Variants in AKT1 observed in about 807,000 individuals in gnomAD.
The protein encoded by AKT1 is RAC-alpha serine/threonine-protein kinase.
In AKT1, 21 loss-of-function variants were observed where a neutral mutation model predicts 63.1. That is an observed-to-expected ratio of 0.33 (90% CI 0.24 to 0.48). The LOEUF (loss-of-function observed/expected upper bound fraction) is 0.48, where lower values mean the gene tolerates loss of function less well. Among genes scored for constraint, AKT1 ranks in the 20% least tolerant of loss-of-function variants. The pLI, the probability that AKT1 is intolerant of heterozygous loss-of-function variation, is 0.99. For missense variants in AKT1, 382 were observed against 666.0 expected (o/e 0.57, Z 4.69); for synonymous variants, 257 against 253.1 (o/e 1.02, Z -0.15).
intron 3 of AKT1, among the ~76,000 whole-genome samples, chr14:104,782,683 AG>A (rs1239409049): frequency 6.6e-6 from 1 of 152,124 alleles, no homozygotes; most frequent in African/African-American, 2.4e-5. Context: ...CCACAGACCC[AG>A]GGAACAGACG....
intron 3 of AKT1, among the ~76,000 whole-genome samples, chr14:104,781,414 C>T (rs779211844): frequency 6.6e-5 from 10 of 152,298 alleles, no homozygotes; most frequent in South Asian, 4.1e-4. Flanking sequence ...TGAGCCCAGA[C>T]GCGTCCAGCC....
rs2140918032 is a variant in AKT1 at position 104,775,178 on chromosome 14, C to G, written c.465G>C (p.Leu155=). ...VTMNEFEYLK[L]LGKGTFGKVI... ...CCTTGCCGAAAGTGCCCTTGCCCAG[C>G]AGCTTCAGGTACTCAAACTCGTTCA... The change falls in exon 7 of 15, where the codon CTG becomes CTC. Residue 155 remains leucine, a synonymous_variant. Transcript: ENST00000649815. 1.2e-6 allele frequency: 2 copies of G among 1,614,134 alleles called. No homozygotes were observed. Among genetic ancestry groups the G allele is most frequent in the Non-Finnish European group, 1.7e-6 (2 of 1,180,042 alleles).
intron 3 of AKT1, among the ~76,000 whole-genome samples, chr14:104,792,256 T>C (rs1399402914): frequency 6.6e-6 from 1 of 152,160 alleles, no homozygotes; most frequent in East Asian, 1.9e-4. Context: ...GGCAGTGCCC[T>C]GGGCCGCCAG....
At position 104,769,350 on chromosome 14, in the gene AKT1, T is replaced by C. The variant is rs1311848591; in HGVS notation, c.*991A>G. On this transcript the variant is annotated 3_prime_UTR_variant, in exon 15 of 15. Transcript: ENST00000649815. The stretch of plus-strand genomic sequence containing the variant: ...CCACCCAGCAAAGTGAGCCAAAAAT[T>C]TGAAAAGCAACTTTTATTGAAGAAT... 10 of 240,590 alleles carry C rather than the reference T, an allele frequency of 4.2e-5. No homozygotes were observed. In the South Asian group the frequency reaches 1.1e-3, roughly 26 times the overall value. 14.9% of individuals were successfully genotyped at this position (240,590 alleles called of 1,614,324 possible). A position where few individuals can be genotyped will look rare whatever the true frequency, so the allele number is the denominator to read the frequency against.
At chr14:104,792,295 C>A (rs1893666446) in intron 3 of AKT1, among the ~76,000 whole-genome samples, 1 of 152,216 alleles carries the variant, frequency 6.6e-6, no homozygotes, top group East Asian at 1.9e-4. Context: ...AGCCCAGTGT[C>A]CTCGCTGCCT....
chr14:104,780,301 G>C, intron 3 of AKT1, 85 bp from the exon 4 acceptor site: 1 of 1,543,912 alleles, frequency 6.5e-7, no homozygotes, highest in Non-Finnish European at 8.8e-7. Flanking sequence ...GGGTGTGCCA[G>C]GACAGATGTG....
intron 9 of AKT1, 88 bp from the exon 10 acceptor site, chr14:104,773,668 G>A (rs764594578): frequency 6.1e-5 from 93 of 1,516,674 alleles, no homozygotes; most frequent in Middle Eastern, 2.3e-4. Context: ...ACCGGGTCTC[G>A]GCATTGCACA....
chr14:104,788,686 A>G (rs1595260846), intron 3 of AKT1, among the ~76,000 whole-genome samples: 1 of 152,282 alleles, frequency 6.6e-6, no homozygotes, highest in East Asian at 1.9e-4. Flanking sequence ...CCGCAGGGAC[A>G]GCCAGTGCCA....
chr14:104,776,008 C>A, intron 5 of AKT1: 3 of 578,920 alleles, frequency 5.2e-6, no homozygotes, highest in Non-Finnish European at 9.0e-6. Flanking sequence ...CCAGGCTTAG[C>A]CCCCCAGCAG....
At chr14:104,770,931 C>A (rs1892349737) in intron 13 of AKT1, 84 bp from the exon 14 acceptor site, 3 of 1,246,182 alleles carry the variant, frequency 2.4e-6, no homozygotes, top group South Asian at 1.3e-5. Flanking sequence ...ACCTTCAAAG[C>A]ACCTGGATCT....
chr14:104,788,090 T>C lies in AKT1; in HGVS notation c.46+4508A>G, dbSNP rs1893426850. The stretch of plus-strand genomic sequence containing the variant: ...AGGAGCCAGCACACTTGCCTCCCCA[T>C]CTCTGTCCCTGGCCTGCCCACGGGG... On this transcript the variant is annotated intron_variant, in intron 3 of 14. Coordinates refer to ENST00000649815, the MANE Select transcript of AKT1 (RefSeq NM_001382430.1). 3.9e-5 allele frequency among the ~76,000 whole-genome samples: 6 copies of C among 151,996 alleles called. No individual in the cohort carries two copies. The South Asian group carries it at 1.0e-3, about 26-fold the overall frequency.
At chr14:104,776,972 T>A in intron 4 of AKT1, 1 of 544,368 alleles carries the variant, frequency 1.8e-6, no homozygotes, top group Non-Finnish European at 3.3e-6. Context: ...GACACTCTAC[T>A]CCAGGCTGAG....
chr14:104,786,123 C>T (rs1221587741), intron 3 of AKT1, among the ~76,000 whole-genome samples: 2 of 152,200 alleles, frequency 1.3e-5, no homozygotes, highest in African/African-American at 4.8e-5. Context: ...TGGTCTGCCC[C>T]AAACAAGCCC....
rs1020701870 is a variant in AKT1 at position 104,775,869 on chromosome 14, C to T, written c.288-70G>A. On this transcript the variant is annotated intron_variant, in intron 5 of 14. Transcript: ENST00000649815. Reference sequence around the variant, plus strand: ...GCTCCACCCCACGTCTTTCACCCACCCGCCAGCCTCACAAGCGTGGTTCCA... The same window carrying T: ...GCTCCACCCCACGTCTTTCACCCACTCGCCAGCCTCACAAGCGTGGTTCCA... 561 of 1,542,786 alleles carry T rather than the reference C, an allele frequency of 3.6e-4. 6 individuals are homozygous for T. Among genetic ancestry groups the T allele is most frequent in the Non-Finnish European group, 7.0e-5 (80 of 1,144,138 alleles).
At chr14:104,777,849 G>T in intron 4 of AKT1, 1 of 344,072 alleles carries the variant, frequency 2.9e-6, no homozygotes, top group Non-Finnish European at 4.1e-6. Context: ...TGGTGGGGAG[G>T]GTGGCCTGTG....
intron 3 of AKT1, among the ~76,000 whole-genome samples, chr14:104,781,673 C>T (rs1893054102): frequency 6.6e-6 from 1 of 152,198 alleles, no homozygotes; most frequent in South Asian, 2.1e-4. Context: ...ACAAGACCAG[C>T]CCTCTCTCTG....
intron 4 of AKT1, 50 bp from the exon 5 acceptor site, chr14:104,776,820 G>A (rs1179350328): frequency 1.3e-6 from 2 of 1,543,566 alleles, no homozygotes; most frequent in Middle Eastern, 1.7e-4. Context: ...GCCCCTCCCA[G>A]GGCCCTCACC....
Position 104,772,409 on chromosome 14 carries a change from G to T in AKT1, c.1216C>A (p.Arg406Ser), listed in dbSNP as rs749544983. 1 of 1,613,778 alleles carries T rather than the reference G, an allele frequency of 6.2e-7. No homozygotes were observed. Among genetic ancestry groups the T allele is most frequent in the Non-Finnish European group, 8.5e-7 (1 of 1,180,034 alleles). ...SEDAKEIMQH[R>S]FFAGIVWQHV... ...TGCCACACGATACCGGCAAAGAAGC[G>T]ATGCTGCATGATCTCCTTGGCGTCC... Residue 406 changes from arginine (R) to serine (S), a missense_variant, in exon 13 of 15, where the codon CGC (arginine) becomes AGC (serine). By Grantham distance (110) the Arg-to-Ser change is moderately radical. This residue lies in a region of AKT1 where 90 missense variants were observed against 120.5 expected (regional missense o/e 0.75). Transcript: ENST00000649815.
intron 1 of AKT1, chr14:104,794,607 G>C (rs1893796433): frequency 6.6e-6 from 1 of 152,238 alleles, no homozygotes; most frequent in African/African-American, 2.4e-5. Context: ...CAGAACCCTG[G>C]TGTATGAGAA....
Sources: gnomAD v4.1 joint callset for allele counts (sites outside exome capture counted in the v4.1 genomes callset) on GRCh38, gnomAD v4.1.1 for gene constraint, gnomAD v4.1.1 regional missense constraint, MANE v1.5 for transcripts, NCBI Gene and HGNC (gene_info 2026-07-23, HGNC 2026-07-21) for gene names.